The following ADGRB3 variants were observed in gnomAD, a reference collection of about 807,000 sequenced individuals.
ADGRB3 encodes the protein adhesion G protein-coupled receptor B3, also known as brain-specific angiogenesis inhibitor 3.
In ADGRB3, 37 loss-of-function variants were observed where a neutral mutation model predicts 193.4. The observed-to-expected ratio is 0.19, with a 90% CI of 0.15 to 0.25. The LOEUF is 0.25. Ranked by LOEUF, ADGRB3 falls within the 10% of genes least tolerant of loss-of-function variation. The pLI is 1.00. For missense variants in ADGRB3, 1,637 were observed against 1,852.9 expected (o/e 0.88, Z 2.14); for synonymous variants, 690 against 644.2 (o/e 1.07, Z -1.08).
chr6:68,738,525 A>C (rs1765916959), intron 3 of ADGRB3, among the ~76,000 whole-genome samples: 1 of 152,144 alleles, frequency 6.6e-6, no homozygotes, highest in Non-Finnish European at 1.5e-5. Context: ...CAAAGGTGAT[A>C]ATTTTGGCTA....
At chr6:68,692,838 T>G (rs1765098092) in intron 3 of ADGRB3, among the ~76,000 whole-genome samples, 1 of 151,044 alleles carries the variant, frequency 6.6e-6, no homozygotes, top group South Asian at 2.1e-4. Flanking sequence ...GAGGCAGATA[T>G]AGATATAAAC....
At chr6:68,960,444 C>T (rs1403523504) in intron 8 of ADGRB3, among the ~76,000 whole-genome samples, 1 of 152,080 alleles carries the variant, frequency 6.6e-6, no homozygotes, top group African/African-American at 2.4e-5. Context: ...TTGTCTTGAA[C>T]ACTGTAATAC....
intron 5 of ADGRB3, among the ~76,000 whole-genome samples, chr6:68,942,612 A>G (rs561644579): frequency 6.6e-6 from 1 of 151,972 alleles, no homozygotes; most frequent in Non-Finnish European, 1.5e-5. Context: ...TCAAACACTG[A>G]ATATTTTTTT....
At chr6:68,840,737 G>A (rs1768141148) in intron 3 of ADGRB3, among the ~76,000 whole-genome samples, 1 of 152,000 alleles carries the variant, frequency 6.6e-6, no homozygotes, top group African/African-American at 2.4e-5. Context: ...AAAAAGGCAG[G>A]AGTAAATCCT....
chr6:69,252,682 T>C (rs1216259228), intron 20 of ADGRB3, among the ~76,000 whole-genome samples: 1 of 152,098 alleles, frequency 6.6e-6, no homozygotes, highest in Non-Finnish European at 1.5e-5. Flanking sequence ...CATTTCTCTC[T>C]TTTTTATTTA....
At chr6:68,841,136 C>G (rs1424656641) in intron 3 of ADGRB3, among the ~76,000 whole-genome samples, 1 of 152,008 alleles carries the variant, frequency 6.6e-6, no homozygotes, top group Non-Finnish European at 1.5e-5. Context: ...AGATACAGAC[C>G]CCAATACAAT....
intron 17 of ADGRB3, among the ~76,000 whole-genome samples, chr6:69,131,745 T>C (rs1774016871): frequency 6.6e-6 from 1 of 152,068 alleles, no homozygotes; most frequent in Non-Finnish European, 1.5e-5. Flanking sequence ...TTATCTACAT[T>C]AGGTATTTCT....
chr6:68,886,147 A>C (rs1765900739), intron 3 of ADGRB3, among the ~76,000 whole-genome samples: 2 of 152,092 alleles, frequency 1.3e-5, no homozygotes, highest in Admixed American at 1.3e-4. Context: ...GAAATCTCAG[A>C]ACCAGGAGCT....
intron 13 of ADGRB3, among the ~76,000 whole-genome samples, chr6:69,024,194 G>A (rs1486066096): frequency 1.3e-5 from 2 of 152,106 alleles, no homozygotes; most frequent in Non-Finnish European, 2.9e-5. Context: ...AATGATTAGA[G>A]GTAGTAGGTA....
At chr6:69,051,203 G>T (rs1045305623) in intron 15 of ADGRB3, among the ~76,000 whole-genome samples, 1 of 152,126 alleles carries the variant, frequency 6.6e-6, no homozygotes, top group Non-Finnish European at 1.5e-5. Context: ...TGATTTAATG[G>T]ATATAGTAGA....
At chr6:68,788,332 C>T (rs1158693745) in intron 3 of ADGRB3, among the ~76,000 whole-genome samples, 1 of 152,014 alleles carries the variant, frequency 6.6e-6, no homozygotes, top group Non-Finnish European at 1.5e-5. Context: ...TTGAATGTGT[C>T]CCAGAGATTC....
chr6:69,006,637 C>A (rs1385978720), intron 11 of ADGRB3, among the ~76,000 whole-genome samples: 1 of 151,828 alleles, frequency 6.6e-6, no homozygotes, highest in Non-Finnish European at 1.5e-5. Flanking sequence ...TCCTAAGTAG[C>A]TGGGATTATA....
chr6:68,990,754 C>T (rs1013094147), intron 10 of ADGRB3, among the ~76,000 whole-genome samples: 29 of 152,214 alleles, frequency 1.9e-4, no homozygotes, highest in African/African-American at 6.5e-4. Flanking sequence ...CCCTCACAGG[C>T]ACAGGTATGG....
At chr6:68,672,933 T>A (rs1769002034) in intron 3 of ADGRB3, among the ~76,000 whole-genome samples, 1 of 152,080 alleles carries the variant, frequency 6.6e-6, no homozygotes, top group Non-Finnish European at 1.5e-5. Flanking sequence ...CAATATCAAC[T>A]CTTCCCTGCA....
At chr6:69,172,641 C>G (rs1340341864) in intron 17 of ADGRB3, among the ~76,000 whole-genome samples, 1 of 22,602 alleles carries the variant, frequency 4.4e-5, no homozygotes. Flanking sequence ...GAGACTCTGT[C>G]TCAAAAAAAA....
rs544944667 is a variant in ADGRB3, at chr6:69,020,860, C to T, written c.2107+2361C>T. ...TCAGGAGTTTTCCAAATTGTATACA[C>T]TAGTATCAAATTAAGTAATATGAAT... On this transcript the variant is annotated intron_variant, in intron 13 of 31. Transcript: ENST00000370598. Among the ~76,000 whole-genome samples, 3 of 152,068 alleles carry T rather than the reference C, an allele frequency of 2.0e-5. No individual in the cohort carries two copies. In the East Asian group the frequency reaches 5.8e-4, roughly 29 times the overall value.
In ADGRB3 at chr6:68,837,441, T is replaced by C. The variant is rs144230396; in HGVS notation, c.758-93118T>C. On this transcript the variant is annotated intron_variant, in intron 3 of 31. Transcript: ENST00000370598. ...TAGCTATAATTGTTATTTGTGCAAC[T>C]GTTCAAATATCTTTATAGATAATAT... 1.1e-3 allele frequency among the ~76,000 whole-genome samples: 169 copies of C among 152,338 alleles called. 3 individuals carry two copies. The East Asian group carries it at 0.03, about 27-fold the overall frequency.
chr6:69,189,171 G>C (rs1206533701), intron 17 of ADGRB3, among the ~76,000 whole-genome samples: 3 of 152,152 alleles, frequency 2.0e-5, no homozygotes, highest in Non-Finnish European at 4.4e-5. Context: ...AATAACATAT[G>C]AATGTCAGAA....
intron 3 of ADGRB3, among the ~76,000 whole-genome samples, chr6:68,898,888 T>G (rs1409529967): frequency 1.3e-5 from 2 of 152,062 alleles, no homozygotes; most frequent in Non-Finnish European, 2.9e-5. Context: ...ATTAAAGTCA[T>G]CAAAATGAAT....
Sources: allele counts gnomAD v4.1 joint callset (sites outside exome capture counted in the v4.1 genomes callset), GRCh38; gene constraint gnomAD v4.1.1; transcripts MANE v1.5; gene names NCBI Gene and HGNC (gene_info 2026-07-23, HGNC 2026-07-21).